Variants in CNOT3 observed in about 807,000 individuals in gnomAD.
CNOT3 encodes the protein CCR4-NOT transcription complex subunit 3, also known as CCR4-associated factor 3.
Under a neutral mutation model 89.4 loss-of-function variants are expected in CNOT3, and 2 were observed. That is an observed-to-expected ratio of 0.02 (90% CI 0.01 to 0.07). The LOEUF is 0.07. Among genes scored for constraint, CNOT3 ranks in the 10% least tolerant of loss-of-function variants. The pLI, the probability that CNOT3 is intolerant of heterozygous loss-of-function variation, is 1.00. For synonymous variants in CNOT3, 486 were observed against 402.0 expected (o/e 1.21, Z -2.50); for missense variants, 664 against 1,010.2 (o/e 0.66, Z 4.65).
intron 13 of CNOT3, 38 bp from the exon 14 acceptor site, chr19:54,152,188 C>T (rs1435324924): frequency 1.2e-6 from 2 of 1,606,586 alleles, no homozygotes; most frequent in East Asian, 4.5e-5. Flanking sequence ...GCTCCTGCAG[C>T]CCAAGTGCTC....
chr19:54,142,890 G>A, intron 1 of CNOT3, 39 bp from the exon 2 acceptor site: 2 of 1,356,452 alleles, frequency 1.5e-6, no homozygotes, highest in South Asian at 1.2e-5. Context: ...TTACCAGCCA[G>A]GGAATACGTG....
At chr19:54,138,875 T>G (rs2074333731) in intron 1 of CNOT3, among the ~76,000 whole-genome samples, 1 of 152,200 alleles carries the variant, frequency 6.6e-6, no homozygotes, top group African/African-American at 2.4e-5. Context: ...GGCCCACGTC[T>G]GGTCTCAGCT....
intron 13 of CNOT3, among the ~76,000 whole-genome samples, chr19:54,151,274 T>A (rs2075087872): frequency 6.6e-6 from 1 of 152,076 alleles, no homozygotes; most frequent in African/African-American, 2.4e-5. Flanking sequence ...AGGAACAACA[T>A]GACTTCATTG....
rs752393592 is a variant in CNOT3, at chr19:54,152,920, C to T, written c.1958C>T (p.Pro653Leu). 1 of 1,600,478 alleles carries T rather than the reference C, an allele frequency of 6.2e-7. No homozygotes were observed. Among genetic ancestry groups the T allele is most frequent in the Non-Finnish European group, 8.5e-7 (1 of 1,171,512 alleles). The change falls in exon 16 of 18, where the codon CCA becomes CTA. Residue 653 changes from proline (P) to leucine (L), a missense_variant. Coordinates refer to ENST00000221232, the MANE Select transcript of CNOT3 (RefSeq NM_014516.4). ...CPTPPYHHQM[P>L]PPHSDTVEFY... ...ACGCCCCCCTACCACCACCAGATGC[C>T]ACCCCCACACTCGGACACTGTGGAA...
intron 9 of CNOT3, 60 bp from the exon 10 acceptor site, chr19:54,146,541 C>A: frequency 1.2e-6 from 1 of 852,290 alleles, no homozygotes; most frequent in Non-Finnish European, 2.1e-6. Flanking sequence ...CAGAGATTGG[C>A]GGTTCTCCAT....
chr19:54,151,936 C>T lies in CNOT3; in HGVS notation c.1606-290C>T, dbSNP rs74681204. ...GCACTGTACATATTCTGCAGGTTGG[C>T]GTTTACTTCTGTAGTATGTCACGAA... is the stretch of plus-strand genomic sequence containing the variant. On this transcript the variant is annotated intron_variant, in intron 13 of 17. Coordinates refer to ENST00000221232, the MANE Select transcript of CNOT3 (RefSeq NM_014516.4). 4.5e-3 allele frequency among the ~76,000 whole-genome samples: 692 copies of T among 152,322 alleles called. 3 individuals are homozygous for T. Among genetic ancestry groups the T allele is most frequent in the Non-Finnish European group, 8.3e-3 (562 of 68,024 alleles).
rs587762299 is a variant in CNOT3, at chr19:54,143,227, G to C, written c.93+41G>C. 7 of 1,572,498 alleles carry C rather than the reference G, an allele frequency of 4.5e-6. No individual in the cohort carries two copies. The South Asian group carries it at 7.8e-5, about 17-fold the overall frequency. On this transcript the variant is annotated intron_variant, in intron 3 of 17. Coordinates refer to ENST00000221232, the MANE Select transcript of CNOT3 (RefSeq NM_014516.4). ...CCCTAATAATCTGGGTCTTCAGAGAGGAGGGCACAGGAAGGCGGCTCAGGA... is the reference window on the plus strand; with the variant it reads ...CCCTAATAATCTGGGTCTTCAGAGACGAGGGCACAGGAAGGCGGCTCAGGA...
chr19:54,151,200 CCAA>C (rs1478228325), intron 13 of CNOT3, among the ~76,000 whole-genome samples: 1 of 152,170 alleles, frequency 6.6e-6, no homozygotes, highest in African/African-American at 2.4e-5. Flanking sequence ...TTTAACACCA[CCAA>C]CAACAAAAAT....
chr19:54,153,275 GC>G, intron 16 of CNOT3: 3 of 762,198 alleles, frequency 3.9e-6, no homozygotes, highest in Non-Finnish European at 4.8e-6. Context: ...CTCACCCGCG[GC>G]CCCTCCCCAG....
Position 54,146,512 on chromosome 19 carries a change from C to T in CNOT3, c.838-89C>T, listed in dbSNP as rs2074680543. On this transcript the variant is annotated intron_variant, in intron 9 of 17. Coordinates refer to ENST00000221232, the MANE Select transcript of CNOT3 (RefSeq NM_014516.4). Reference sequence around the variant, plus strand: ...GGGGCCGCAATGGCAGTCAATTGGGCCCAGGTCCCCGGGGCATTCAGAGAT... The same window carrying T: ...GGGGCCGCAATGGCAGTCAATTGGGTCCAGGTCCCCGGGGCATTCAGAGAT... The T allele has an allele frequency of 3.9e-6, 3 of 778,992 alleles. No homozygotes were observed. In the Admixed American group the frequency reaches 5.2e-5, roughly 14 times the overall value. The allele number at this position is 778,992 out of a possible 1,614,324, so 48.3% of individuals were successfully genotyped here.
Position 54,144,373 on chromosome 19 carries a change from C to G in CNOT3, c.483+41C>G. ...CCGACACCTTTGGGATGGGGATGGGCATGGGAATGGGCTGGCCAGCAGGAG... is the reference window on the plus strand; with the variant it reads ...CCGACACCTTTGGGATGGGGATGGGGATGGGAATGGGCTGGCCAGCAGGAG... On this transcript the variant is annotated intron_variant, in intron 7 of 17. Coordinates refer to ENST00000221232, the MANE Select transcript of CNOT3 (RefSeq NM_014516.4). The surrounding 1 kb of genome is among the most constrained non-coding windows in gnomAD (Gnocchi z 4.8). The G allele has an allele frequency of 6.8e-7, 1 of 1,477,916 alleles. No individual in the cohort carries two copies. Among genetic ancestry groups the G allele is most frequent in the Non-Finnish European group, 9.5e-7 (1 of 1,057,794 alleles). The allele number at this position is 1,477,916 out of a possible 1,614,324, so 91.6% of individuals were successfully genotyped here. A position where few individuals can be genotyped will look rare whatever the true frequency, so the allele number is the denominator to read the frequency against.
rs1024189631 is a variant in CNOT3 at position 54,143,697 on chromosome 19, A to G, written c.206A>G (p.Asn69Ser). 7.4e-6 allele frequency: 12 copies of G among 1,613,968 alleles called. No individual in the cohort carries two copies. The highest frequency in any genetic ancestry group is 1.1e-5 in the South Asian group (1 of 91,070). ...RDQIKTWVAS[N>S]EIKDKRQLID... ...CAAATCAAGACATGGGTAGCGTCCAACGAGATCAAGGACAAGAGGCAGCTT... is the reference window on the plus strand; with the variant it reads ...CAAATCAAGACATGGGTAGCGTCCAGCGAGATCAAGGACAAGAGGCAGCTT... The change falls in exon 5 of 18, where the codon AAC becomes AGC. Residue 69 changes from asparagine to serine, a missense_variant. Physicochemically the swap from Asn to Ser is conservative, Grantham distance 46 (BLOSUM62 1). Coordinates refer to ENST00000221232, the MANE Select transcript of CNOT3 (RefSeq NM_014516.4).
At chr19:54,140,698 C>T (rs1222597090) in intron 1 of CNOT3, among the ~76,000 whole-genome samples, 1 of 152,168 alleles carries the variant, frequency 6.6e-6, no homozygotes, top group African/African-American at 2.4e-5. Context: ...CTCACTGGGT[C>T]TCAGCTGTAG....
At chr19:54,138,217 C>T (rs1162004340) in intron 1 of CNOT3, among the ~76,000 whole-genome samples, 2 of 151,842 alleles carry the variant, frequency 1.3e-5, no homozygotes, top group Non-Finnish European at 2.9e-5. Flanking sequence ...CGTTCCTCAG[C>T]GCCTCCCGGG....
chr19:54,145,708 C>T lies in CNOT3; in HGVS notation c.594C>T (p.Asp198=), dbSNP rs144796513. The change falls in exon 8 of 18, where the codon GAC becomes GAT. Residue 198 remains aspartate (D), a synonymous_variant. Coordinates refer to ENST00000221232, the MANE Select transcript of CNOT3 (RefSeq NM_014516.4). The surrounding 1 kb of genome is among the most constrained non-coding windows in gnomAD (Gnocchi z 5.9). ...TGGACAATGACTCCATCCTCGTTGA[C>T]GCCATCCGCAAGATCAAGGACGACG... ...RMLDNDSILV[D]AIRKIKDDVE... 1,387 of 1,612,726 alleles carry T rather than the reference C, an allele frequency of 8.6e-4. 1 individual carries two copies. Among genetic ancestry groups the T allele is most frequent in the African/African-American group, 1.9e-3 (144 of 75,026 alleles).
At chr19:54,151,638 T>C (rs1378833936) in intron 13 of CNOT3, among the ~76,000 whole-genome samples, 3 of 152,016 alleles carry the variant, frequency 2.0e-5, no homozygotes, top group East Asian at 3.9e-4. Context: ...AGCCCTGACT[T>C]TGGGGAACAG....
chr19:54,148,218 C>A lies in CNOT3; in HGVS notation c.965C>A (p.Thr322Asn), dbSNP rs1330287765. ...QHPQSPAVPP[T>N]YPSGPPPAAS... Reference sequence around the variant, plus strand: ...CCTCAGTCCCCAGCTGTGCCGCCCACCTACCCCTCCGGCCCCCCGCCTGCT... The same window carrying A: ...CCTCAGTCCCCAGCTGTGCCGCCCAACTACCCCTCCGGCCCCCCGCCTGCT... The change falls in exon 11 of 18, where the codon ACC becomes AAC. Residue 322 changes from threonine to asparagine, a missense_variant. Around this residue, in one of 8 missense-constraint regions of CNOT3, gnomAD observed 545 missense variants for 566.2 expected, o/e 0.96. Coordinates refer to ENST00000221232, the MANE Select transcript of CNOT3 (RefSeq NM_014516.4). This position sits in a 1 kb window ranked among gnomAD's most constrained non-coding sequence, Gnocchi z 6.3. 6.3e-7 allele frequency: 1 copy of A among 1,595,762 alleles called. No homozygotes were observed. Among genetic ancestry groups the A allele is most frequent in the Non-Finnish European group, 8.5e-7 (1 of 1,171,166 alleles).
chr19:54,153,554 G>T (rs771349135), intron 16 of CNOT3, 161 bp from the exon 17 acceptor site: 1 of 779,858 alleles, frequency 1.3e-6, no homozygotes, highest in Admixed American at 1.7e-5. Context: ...ATCAGCATTG[G>T]TATGTTCTGT....
rs147358153 is a variant in CNOT3 at position 54,152,172 on chromosome 19, G to A, written c.1606-54G>A. The A allele has an allele frequency of 1.1e-3, 1,701 of 1,592,740 alleles. 18 individuals carry two copies. In the African/African-American group the frequency reaches 0.019, roughly 18 times the overall value. ...GAGCATCTGGGGCCTGTGTCAGGCTGCACTTGCTCCTGCAGCCCAAGTGCT... is the reference window on the plus strand; with the variant it reads ...GAGCATCTGGGGCCTGTGTCAGGCTACACTTGCTCCTGCAGCCCAAGTGCT... On this transcript the variant is annotated intron_variant, in intron 13 of 17. Coordinates refer to ENST00000221232, the MANE Select transcript of CNOT3 (RefSeq NM_014516.4).
Sources: gnomAD v4.1 joint callset for allele counts (sites outside exome capture counted in the v4.1 genomes callset) on GRCh38, gnomAD v4.1.1 for gene constraint, gnomAD v4.1.1 regional missense constraint, Gnocchi (gnomAD v3.1) non-coding constraint, MANE v1.5 for transcripts, NCBI Gene and HGNC (gene_info 2026-07-23, HGNC 2026-07-21) for gene names.